The following PTPN22 variants were observed in gnomAD, a reference collection of about 807,000 sequenced individuals.
PTPN22 encodes tyrosine-protein phosphatase non-receptor type 22.
In PTPN22, 85 loss-of-function variants were observed where a neutral mutation model predicts 103.3. That is an observed-to-expected ratio of 0.82 (90% CI 0.69 to 0.99). The LOEUF (loss-of-function observed/expected upper bound fraction) is 0.99. Ranked by LOEUF, PTPN22 falls within the 50% of genes least tolerant of loss-of-function variation. PTPN22 has a pLI of 0.00. For synonymous variants in PTPN22, 323 were observed against 310.2 expected (o/e 1.04, Z -0.43); for missense variants, 865 against 936.9 (o/e 0.92, Z 1.00).
Position 113,837,619 on chromosome 1 carries a change from G to C in PTPN22, c.1781C>G (p.Ser594Ter), listed in dbSNP as rs61757796. The C allele has an allele frequency of 6.3e-7, 1 of 1,592,958 alleles. No individual in the cohort carries two copies. Among genetic ancestry groups the C allele is most frequent in the Non-Finnish European group, 8.6e-7 (1 of 1,161,070 alleles). ...TACAGCTGACTCCTGGTTCAATAGTGAGGAAATATTGGTTGGAGAATTCAG... is the reference window on the plus strand; with the variant it reads ...TACAGCTGACTCCTGGTTCAATAGTCAGGAAATATTGGTTGGAGAATTCAG... The change falls in exon 13 of 21, where the codon TCA becomes TGA. Residue 594 changes from serine (S) to a stop codon, truncating the protein, a stop_gained. Coordinates refer to ENST00000359785, the Ensembl canonical transcript of PTPN22. LOFTEE classifies it high-confidence loss of function.
At chr1:113,817,036 A>G (rs554909562) in intron 20 of PTPN22, among the ~76,000 whole-genome samples, 15 of 152,302 alleles carry the variant, frequency 9.8e-5, no homozygotes, top group South Asian at 2.1e-4. Context: ...TGATGATAAA[A>G]AAAAATTGGT....
intron 18 of PTPN22, among the ~76,000 whole-genome samples, chr1:113,828,782 C>T (rs1305652562): frequency 6.6e-6 from 1 of 152,122 alleles, no homozygotes; most frequent in Admixed American, 6.6e-5. Context: ...ACTGCAGGCA[C>T]ACAGCACCAT....
At chr1:113,864,246 C>A (rs1331966549) in intron 1 of PTPN22, 1 of 453,584 alleles carries the variant, frequency 2.2e-6, no homozygotes, top group East Asian at 7.1e-5. Flanking sequence ...TTTCTCTGGC[C>A]AGGTGTGGTG....
At chr1:113,846,794 T>G (rs1271536815) in intron 11 of PTPN22, among the ~76,000 whole-genome samples, 1 of 152,192 alleles carries the variant, frequency 6.6e-6, no homozygotes, top group Non-Finnish European at 1.5e-5. Flanking sequence ...CCTTCTGACC[T>G]CTATGATTCC....
chr1:113,815,645 T>G lies in PTPN22; in HGVS notation c.2360-676A>C, dbSNP rs146440367. Among the ~76,000 whole-genome samples the G allele has an allele frequency of 8.3e-3, 1,264 of 152,292 alleles. 7 individuals are homozygous for G. The highest frequency in any genetic ancestry group is 0.013 in the Non-Finnish European group (909 of 68,020). On this transcript the variant is annotated intron_variant, in intron 20 of 20. Coordinates refer to ENST00000359785, the Ensembl canonical transcript of PTPN22. ...TTATCATTTCAGCAACATGTGACTT[T>G]ATGACTTTTCTTTTTGATGGTAGTG...
chr1:113,814,865 G>C, exon 21 of PTPN22: 1 of 1,400,452 alleles, frequency 7.1e-7, no homozygotes, highest in Non-Finnish European at 1.0e-6. Context: ...TTATTTGCAG[G>C]TGTACTTGCA....
At chr1:113,843,085 G>T (rs1198321940) in intron 11 of PTPN22, among the ~76,000 whole-genome samples, 1 of 64,380 alleles carries the variant, frequency 1.6e-5, no homozygotes, top group Non-Finnish European at 3.0e-5. Context: ...GGGCGACAGA[G>T]CGAGACTCCG....
At chr1:113,828,825 C>A (rs371553304) in intron 18 of PTPN22, among the ~76,000 whole-genome samples, 1 of 151,874 alleles carries the variant, frequency 6.6e-6, no homozygotes, top group African/African-American at 2.4e-5. Context: ...TTGGTAGAGA[C>A]GGGGTTTTGC....
intron 9 of PTPN22, among the ~76,000 whole-genome samples, chr1:113,852,371 A>G (rs1428374127): frequency 2.0e-5 from 3 of 152,152 alleles, no homozygotes; most frequent in African/African-American, 2.4e-5. Flanking sequence ...ATAACGAGGG[A>G]CAGGATTCAG....
At chr1:113,816,789 A>T (rs1402174079) in intron 20 of PTPN22, among the ~76,000 whole-genome samples, 2 of 152,144 alleles carry the variant, frequency 1.3e-5, no homozygotes, top group African/African-American at 4.8e-5. Context: ...GGTGCCTGTA[A>T]TGCCAGCTAC....
chr1:113,848,335 C>T (rs567411411), intron 11 of PTPN22, among the ~76,000 whole-genome samples: 11 of 152,130 alleles, frequency 7.2e-5, no homozygotes, highest in African/African-American at 2.4e-4. Flanking sequence ...TGTGAGCCAC[C>T]GGACTTAGTG....
At chr1:113,859,419 G>T in exon 2 of PTPN22, 1 of 1,613,904 alleles carries the variant, frequency 6.2e-7, no homozygotes, top group Non-Finnish European at 8.5e-7. Flanking sequence ...TTGTAGGATA[G>T]GTTTTGTCTG....
At chr1:113,853,048 C>T (rs1176092727) in intron 9 of PTPN22, among the ~76,000 whole-genome samples, 1 of 152,206 alleles carries the variant, frequency 6.6e-6, no homozygotes, top group Non-Finnish European at 1.5e-5. Context: ...AAGCGATTCT[C>T]CTGCCTCAGC....
chr1:113,859,350 A>G lies in PTPN22; in HGVS notation c.196+2T>C. The G allele has an allele frequency of 2.5e-6, 4 of 1,606,110 alleles. No individual in the cohort carries two copies. Among genetic ancestry groups the G allele is most frequent in the South Asian group, 2.2e-5 (2 of 90,864 alleles). On this transcript the variant is annotated splice_donor_variant, in intron 2 of 20. Coordinates refer to ENST00000359785, the Ensembl canonical transcript of PTPN22. LOFTEE classifies it high-confidence loss of function. The stretch of plus-strand genomic sequence containing the variant: ...GAGTTTATAGAGAGAAATGGAACTT[A>G]CAGGGCAAAATATCCTTATATCTGT...
chr1:113,820,137 T>C (rs1475957700), intron 19 of PTPN22, among the ~76,000 whole-genome samples: 1 of 152,150 alleles, frequency 6.6e-6, no homozygotes, highest in Non-Finnish European at 1.5e-5. Context: ...AGCCTGATTT[T>C]TTTCTAATTA....
chr1:113,833,084 T>C, intron 16 of PTPN22, 27 bp downstream of exon 16: 1 of 1,550,886 alleles, frequency 6.4e-7, no homozygotes, highest in Non-Finnish European at 8.9e-7. Context: ...GGGCTAAATG[T>C]CATCTAAAGC....
At chr1:113,850,301 A>T (rs61496190) in intron 10 of PTPN22, among the ~76,000 whole-genome samples, 2 of 152,106 alleles carry the variant, frequency 1.3e-5, no homozygotes, top group East Asian at 3.9e-4. Flanking sequence ...GAAAAATCAG[A>T]CAGGAAGCTC....
At chr1:113,833,565 G>T (rs1662734617) in intron 15 of PTPN22, among the ~76,000 whole-genome samples, 1 of 152,126 alleles carries the variant, frequency 6.6e-6, no homozygotes, top group Non-Finnish European at 1.5e-5. Context: ...AAAAGGCAGA[G>T]AATATTTGCC....
chr1:113,827,523 A>G (rs1322476621), intron 18 of PTPN22, among the ~76,000 whole-genome samples: 1 of 152,168 alleles, frequency 6.6e-6, no homozygotes, highest in East Asian at 1.9e-4. Context: ...ACAGTATTCC[A>G]TTTGTATGGA....
Sources: allele counts gnomAD v4.1 joint callset (sites outside exome capture counted in the v4.1 genomes callset), GRCh38; gene constraint gnomAD v4.1.1; transcripts MANE v1.5; gene names NCBI Gene and HGNC (gene_info 2026-07-23, HGNC 2026-07-21).